The following FHIT variants were observed in gnomAD, a reference collection of about 807,000 sequenced individuals.
FHIT encodes the protein fragile histidine triad diadenosine triphosphatase.
A neutral mutation model predicts 17.9 loss-of-function variants in FHIT; 19 were observed. That is an observed-to-expected ratio of 1.06 (90% CI 0.74 to 1.56). The LOEUF is 1.56. Ranked by LOEUF, FHIT falls within the 40% of genes most tolerant of loss-of-function variation. The pLI is 0.00. For synonymous variants in FHIT, 81 were observed against 69.7 expected (o/e 1.16, Z -0.81); for missense variants, 248 against 189.2 (o/e 1.31, Z -1.82).
chr3:60,851,913 G>A (rs1553748510), intron 3 of FHIT, among the ~76,000 whole-genome samples: 2 of 151,938 alleles, frequency 1.3e-5, no homozygotes. Context: ...AAGAAAAAAA[G>A]CAAAGTCCAC....
At chr3:60,376,517 C>T (rs559930710) in intron 5 of FHIT, among the ~76,000 whole-genome samples, 3 of 152,200 alleles carry the variant, frequency 2.0e-5, no homozygotes, top group African/African-American at 4.8e-5. Context: ...AACACAGCTG[C>T]CTTCAGCAAA....
intron 2 of FHIT, among the ~76,000 whole-genome samples, chr3:61,149,212 T>C (rs2037313799): frequency 6.6e-6 from 1 of 152,090 alleles, no homozygotes; most frequent in Non-Finnish European, 1.5e-5. Context: ...GGCAGAGTAA[T>C]AGATGGTATT....
chr3:60,741,600 G>A (rs1170871185), intron 4 of FHIT, among the ~76,000 whole-genome samples: 2 of 152,190 alleles, frequency 1.3e-5, no homozygotes, highest in African/African-American at 4.8e-5. Context: ...TATTGACTTT[G>A]TAACATTCCC....
At chr3:61,232,303 C>T (rs2040125758) in intron 1 of FHIT, among the ~76,000 whole-genome samples, 1 of 152,198 alleles carries the variant, frequency 6.6e-6, no homozygotes, top group Admixed American at 6.5e-5. Flanking sequence ...ACGAGAATCG[C>T]TTGAACCAGG....
In FHIT at chr3:60,308,469, CGTATAG is replaced by C. The variant is rs199550358; in HGVS notation, c.103+228385_103+228390del. On this transcript the variant is annotated intron_variant, in intron 5 of 9. Coordinates refer to ENST00000492590, the MANE Select transcript of FHIT (RefSeq NM_002012.4). ...TAACCCAACACTCTACCAAATTGCA[CGTATAG>C]GTATAGGTATAGGTGTATGTGTATA... 2.3e-3 allele frequency among the ~76,000 whole-genome samples: 314 copies of C among 137,472 alleles called. 4 individuals are homozygous for C. The highest frequency in any genetic ancestry group is 0.018 in the South Asian group (70 of 3,932). The allele number at this position is 137,472 out of a possible 152,430, so 90.2% of individuals were successfully genotyped here. A position where few individuals can be genotyped will look rare whatever the true frequency, so the allele number is the denominator to read the frequency against.
Position 60,751,324 on chromosome 3 carries a change from C to T in FHIT, c.-18+70595G>A, listed in dbSNP as rs959255364. 2.0e-5 allele frequency among the ~76,000 whole-genome samples: 3 copies of T among 152,180 alleles called. No homozygotes were observed. In the East Asian group the frequency reaches 5.8e-4, roughly 29 times the overall value. On this transcript the variant is annotated intron_variant, in intron 4 of 9. Transcript: ENST00000492590. ...ATGGATACTTAGAGTGAGACAGCACCAAATTATTTTTCTCACTTTAATGTT... is the reference window on the plus strand; with the variant it reads ...ATGGATACTTAGAGTGAGACAGCACTAAATTATTTTTCTCACTTTAATGTT...
chr3:59,920,952 C>T (rs1240180076), intron 8 of FHIT, among the ~76,000 whole-genome samples: 2 of 152,170 alleles, frequency 1.3e-5, no homozygotes, highest in Non-Finnish European at 2.9e-5. Context: ...TTTCCTTATA[C>T]AATGACTGAT....
chr3:60,045,558 A>G (rs1701619374), intron 5 of FHIT, among the ~76,000 whole-genome samples: 2 of 152,170 alleles, frequency 1.3e-5, no homozygotes, highest in South Asian at 4.1e-4. Flanking sequence ...ACACAGCCAA[A>G]CAATATCAAA....
intron 4 of FHIT, among the ~76,000 whole-genome samples, chr3:60,789,727 C>T (rs4974241): frequency 0.22 from 33,879 of 151,840 alleles, 4,985 homozygotes; most frequent in African/African-American, 0.42. Context: ...TTAATTAGAT[C>T]TGTTGGTTGA....
chr3:60,709,015 G>C (rs1379218676), intron 4 of FHIT, among the ~76,000 whole-genome samples: 1 of 152,120 alleles, frequency 6.6e-6, no homozygotes, highest in East Asian at 1.9e-4. Flanking sequence ...ACGTACTTTA[G>C]AGAATGTTTC....
At chr3:60,486,946 A>G (rs767791646) in intron 5 of FHIT, among the ~76,000 whole-genome samples, 2 of 152,298 alleles carry the variant, frequency 1.3e-5, no homozygotes, top group Admixed American at 6.5e-5. Context: ...TTTGGGAGTG[A>G]CTGTTTAGAC....
intron 5 of FHIT, among the ~76,000 whole-genome samples, chr3:60,522,514 G>A (rs1289081563): frequency 1.3e-5 from 2 of 152,138 alleles, no homozygotes; most frequent in African/African-American, 2.4e-5. Context: ...GATGGATAGT[G>A]GTAGACTGGA....
chr3:61,184,448 G>A (rs2038442685), intron 2 of FHIT, among the ~76,000 whole-genome samples: 1 of 152,148 alleles, frequency 6.6e-6, no homozygotes, highest in South Asian at 2.1e-4. Flanking sequence ...GAGCTCCAGT[G>A]TGGGATGACT....
intron 4 of FHIT, among the ~76,000 whole-genome samples, chr3:60,821,345 C>T (rs1370126419): frequency 1.3e-5 from 2 of 152,144 alleles, no homozygotes; most frequent in Non-Finnish European, 2.9e-5. Flanking sequence ...TTTACTCTAA[C>T]GTAAAGCCTC....
intron 5 of FHIT, among the ~76,000 whole-genome samples, chr3:60,475,697 A>C (rs1264570409): frequency 6.6e-6 from 1 of 152,220 alleles, no homozygotes; most frequent in African/African-American, 2.4e-5. Flanking sequence ...ATGTAAATAC[A>C]GGTTAAGCAC....
At chr3:60,419,256 GC>G (rs1702382442) in intron 5 of FHIT, among the ~76,000 whole-genome samples, 2 of 152,174 alleles carry the variant, frequency 1.3e-5, no homozygotes, top group African/African-American at 4.8e-5. Flanking sequence ...TGATTTAATA[GC>G]CGTATAGCAC....
intron 4 of FHIT, among the ~76,000 whole-genome samples, chr3:60,715,514 C>G (rs559838844): frequency 6.4e-4 from 97 of 151,048 alleles, no homozygotes; most frequent in African/African-American, 2.3e-3. Context: ...AGTAAACTAT[C>G]ACAAGGACAA....
chr3:59,950,038 G>T (rs1707036300), intron 7 of FHIT, among the ~76,000 whole-genome samples: 1 of 152,126 alleles, frequency 6.6e-6, no homozygotes, highest in Admixed American at 6.6e-5. Context: ...AGACATAGGG[G>T]TCAATTCTAG....
intron 8 of FHIT, among the ~76,000 whole-genome samples, chr3:59,824,508 G>A (rs1700908814): frequency 6.6e-6 from 1 of 152,216 alleles, no homozygotes. Context: ...GAGGAACTAG[G>A]CCAGCCTTTG....
Sources: gnomAD v4.1 joint callset for allele counts (sites outside exome capture counted in the v4.1 genomes callset) on GRCh38, gnomAD v4.1.1 for gene constraint, MANE v1.5 for transcripts, NCBI Gene and HGNC (gene_info 2026-07-23, HGNC 2026-07-21) for gene names.